Variants in PHKB observed in about 807,000 individuals in gnomAD.
The protein encoded by PHKB is phosphorylase kinase regulatory subunit beta.
A neutral mutation model predicts 152.1 loss-of-function variants in PHKB; 122 were observed. The ratio of observed to expected loss-of-function variants is 0.80; its 90% CI spans 0.69 to 0.93. The LOEUF (loss-of-function observed/expected upper bound fraction) is 0.93. Ranked by LOEUF, PHKB falls within the 40% of genes least tolerant of loss-of-function variation. The pLI, the probability that PHKB is intolerant of heterozygous loss-of-function variation, is 0.00. For missense variants in PHKB, 1,304 were observed against 1,328.4 expected, an observed-to-expected ratio of 0.98 and a Z score of 0.29; for synonymous variants, 436 against 464.9, an observed-to-expected ratio of 0.94 and a Z score of 0.80.
intron 1 of PHKB, among the ~76,000 whole-genome samples, chr16:47,470,191 G>A (rs1490542862): frequency 2.6e-5 from 4 of 152,176 alleles, no homozygotes; most frequent in African/African-American, 9.7e-5. Context: ...AGAGCTGAGA[G>A]CCTCTAACAG....
In PHKB at chr16:47,511,057, A is replaced by G. The variant is rs76023717; in HGVS notation, c.406-608A>G. Among the ~76,000 whole-genome samples the G allele has an allele frequency of 1.5e-3, 236 of 152,310 alleles. 4 individuals carry two copies. In the East Asian group the frequency reaches 0.017, roughly 11 times the overall value. ...TGTTGGATTATTTAGGTATTTACTT[A>G]TTCTAAAATGGTAAAATTTTATGTC... On this transcript the variant is annotated intron_variant, in intron 4 of 30. Transcript: ENST00000323584.
rs566967823 is a variant in PHKB at position 47,660,497 on chromosome 16, A to G, written c.1972-9A>G. 2 of 1,611,154 alleles carry G rather than the reference A, an allele frequency of 1.2e-6. No individual in the cohort carries two copies. Among genetic ancestry groups the G allele is most frequent in the East Asian group, 4.5e-5 (2 of 44,848 alleles). On this transcript the variant is annotated splice_polypyrimidine_tract_variant and intron_variant, in intron 20 of 30. Transcript: ENST00000323584. ...TAAGAGTTTCTAATCTTTTTCGATC[A>G]CGTTTCAGACACTAATATCTGGAGC...
intron 7 of PHKB, 92 bp downstream of exon 7, chr16:47,547,640 T>G (rs1971197290): frequency 2.6e-6 from 2 of 774,278 alleles, no homozygotes; most frequent in Non-Finnish European, 4.4e-6. Context: ...GGAACTGTGA[T>G]TCATATGTTA....
intron 7 of PHKB, among the ~76,000 whole-genome samples, chr16:47,564,271 G>A (rs1182075999): frequency 1.3e-5 from 2 of 151,432 alleles, no homozygotes; most frequent in South Asian, 2.1e-4. Flanking sequence ...CATAAATATC[G>A]TACTAACTTT....
At chr16:47,671,408 T>C (rs1973635830) in intron 26 of PHKB, among the ~76,000 whole-genome samples, 1 of 152,176 alleles carries the variant, frequency 6.6e-6, no homozygotes, top group South Asian at 2.1e-4. Flanking sequence ...ATATACATAA[T>C]GTTGTCTTTT....
At chr16:47,516,040 GC>G (rs1970590870) in intron 6 of PHKB, among the ~76,000 whole-genome samples, 2 of 151,212 alleles carry the variant, frequency 1.3e-5, no homozygotes, top group Non-Finnish European at 2.9e-5. Context: ...CGATTCCCCT[GC>G]CTCAGCCTCC....
intron 6 of PHKB, among the ~76,000 whole-genome samples, chr16:47,528,936 C>T (rs1158840112): frequency 2.6e-5 from 4 of 152,002 alleles, no homozygotes; most frequent in Non-Finnish European, 5.9e-5. Context: ...CCTCATGATC[C>T]ACCCACCTCA....
Position 47,693,467 on chromosome 16 carries a change from C to A in PHKB, c.2855C>A (p.Thr952Lys). The A allele has an allele frequency of 1.9e-6, 3 of 1,614,054 alleles. No homozygotes were observed. The highest frequency in any genetic ancestry group is 2.5e-6 in the Non-Finnish European group (3 of 1,179,988). The change falls in exon 28 of 31, where the codon ACG (threonine) becomes AAG (lysine). Residue 952 changes from threonine to lysine, a missense_variant. Transcript: ENST00000323584. ...CGAGTGTGGCAGATTCTGGAGCGCA[C>A]GCCCAATGGGATCATTGTTGCTGGG... Reference protein sequence around the residue: ...YDRVWQILERTPNGIIVAGKH... With the variant: ...YDRVWQILERKPNGIIVAGKH...
intron 6 of PHKB, chr16:47,529,092 G>A (rs1228046728): frequency 6.6e-6 from 1 of 152,140 alleles, no homozygotes; most frequent in East Asian, 1.9e-4. Context: ...TCCCTCTGCT[G>A]TATTTGGCAT....
intron 7 of PHKB, among the ~76,000 whole-genome samples, chr16:47,577,326 A>C (rs1475355562): frequency 6.6e-6 from 1 of 152,094 alleles, no homozygotes; most frequent in Non-Finnish European, 1.5e-5. Context: ...TATCTTAAAT[A>C]TTTCCTCCAT....
intron 6 of PHKB, among the ~76,000 whole-genome samples, chr16:47,533,100 AG>A (rs1002996343): frequency 6.6e-6 from 1 of 151,852 alleles, no homozygotes; most frequent in Non-Finnish European, 1.5e-5. Flanking sequence ...AGCAGAGAGG[AG>A]TTTCTGGAGT....
At chr16:47,606,070 G>A (rs1180416980) in intron 13 of PHKB, among the ~76,000 whole-genome samples, 1 of 152,190 alleles carries the variant, frequency 6.6e-6, no homozygotes, top group Non-Finnish European at 1.5e-5. Context: ...CTTAATAACT[G>A]TGTAGGTATT....
chr16:47,509,145 C>T (rs1970467589), intron 4 of PHKB, among the ~76,000 whole-genome samples: 2 of 152,128 alleles, frequency 1.3e-5, no homozygotes, highest in Non-Finnish European at 2.9e-5. Flanking sequence ...TTCAATTTTA[C>T]CTATTTTTTA....
intron 7 of PHKB, among the ~76,000 whole-genome samples, chr16:47,549,509 G>A (rs1971233770): frequency 1.3e-5 from 2 of 152,034 alleles, no homozygotes; most frequent in Non-Finnish European, 2.9e-5. Context: ...GACCAACATG[G>A]TGACAACCTG....
chr16:47,565,412 G>T, intron 7 of PHKB: 1 of 1,233,260 alleles, frequency 8.1e-7, no homozygotes, highest in Non-Finnish European at 1.2e-6. Flanking sequence ...AGGGATTGCT[G>T]CTCTGTATCT....
At chr16:47,603,988 T>C (rs550638690) in intron 13 of PHKB, among the ~76,000 whole-genome samples, 1 of 152,336 alleles carries the variant, frequency 6.6e-6, no homozygotes, top group South Asian at 2.1e-4. Flanking sequence ...TTTATTGATT[T>C]ATCAGGAGTC....
chr16:47,522,929 A>G (rs1185974298), intron 6 of PHKB, among the ~76,000 whole-genome samples: 3 of 146,498 alleles, frequency 2.0e-5, no homozygotes, highest in East Asian at 3.9e-4. Flanking sequence ...ATTATTGAAC[A>G]TGGTTATTCA....
intron 26 of PHKB, among the ~76,000 whole-genome samples, chr16:47,676,712 A>C (rs1973738795): frequency 6.6e-6 from 1 of 152,206 alleles, no homozygotes; most frequent in South Asian, 2.1e-4. Flanking sequence ...CCAGTGAACA[A>C]AATTAACCTG....
intron 7 of PHKB, chr16:47,561,434 A>G (rs1971474026): frequency 1.3e-5 from 2 of 152,228 alleles, no homozygotes; most frequent in Non-Finnish European, 1.5e-5. Context: ...TCCAAATATC[A>G]TGAGGCGGTT....
Sources: allele counts gnomAD v4.1 joint callset (sites outside exome capture counted in the v4.1 genomes callset), GRCh38; gene constraint gnomAD v4.1.1; transcripts MANE v1.5; gene names NCBI Gene and HGNC (gene_info 2026-07-23, HGNC 2026-07-21).